NDUFAF2: variants seen among roughly 807,000 people sequenced by gnomAD.
The protein encoded by NDUFAF2 is NADH dehydrogenase [ubiquinone] 1 alpha subcomplex assembly factor 2.
NDUFAF2 carries 13 observed loss-of-function variants against 22.8 expected under a neutral mutation model. The ratio of observed to expected loss-of-function variants is 0.57; its 90% CI spans 0.37 to 0.91. NDUFAF2 has a LOEUF of 0.91. NDUFAF2 is among the 40% of genes least tolerant of loss of function. The pLI is 0.01. For synonymous variants in NDUFAF2, 53 were observed against 64.2 expected (o/e 0.83, Z 0.84); for missense variants, 162 against 195.2 (o/e 0.83, Z 1.01).
intron 1 of NDUFAF2, among the ~76,000 whole-genome samples, chr5:60,964,716 C>T (rs162227): frequency 0.87 from 132,795 of 152,096 alleles, 58,268 homozygotes; most frequent in East Asian, 0.95. Flanking sequence ...CCTACCAAAG[C>T]GCTGGGATTA....
At chr5:61,043,926 C>T (rs999978170) in intron 1 of NDUFAF2, among the ~76,000 whole-genome samples, 3 of 152,082 alleles carry the variant, frequency 2.0e-5, no homozygotes, top group Non-Finnish European at 4.4e-5. Context: ...TGAGGAACCA[C>T]CACACTATTT....
chr5:61,000,502 T>C (rs1354002406), intron 1 of NDUFAF2, among the ~76,000 whole-genome samples: 5 of 152,198 alleles, frequency 3.3e-5, no homozygotes, highest in African/African-American at 1.2e-4. Flanking sequence ...GTTAATATTA[T>C]GTTTGTTAAG....
intron 3 of NDUFAF2, among the ~76,000 whole-genome samples, chr5:61,147,440 T>TC (rs1231392599): frequency 2.2e-5 from 3 of 134,504 alleles, no homozygotes; most frequent in African/African-American, 8.0e-5. Context: ...TTTCTTTCTT[T>TC]TTTTTTTTTT....
chr5:60,986,937 C>CAAAA (rs200015156), intron 1 of NDUFAF2, among the ~76,000 whole-genome samples: 9 of 73,460 alleles, frequency 1.2e-4, no homozygotes, highest in African/African-American at 3.5e-4. Context: ...TCTTTTGTCT[C>CAAAA]AAAAAAAAAA....
chr5:61,024,884 A>G (rs867256738), intron 1 of NDUFAF2, among the ~76,000 whole-genome samples: 19 of 152,022 alleles, frequency 1.2e-4, no homozygotes, highest in African/African-American at 3.6e-4. Flanking sequence ...TCTGTTTCCA[A>G]TTGCTAACAG....
chr5:61,053,834 G>A (rs1752054565), intron 1 of NDUFAF2, among the ~76,000 whole-genome samples: 1 of 151,890 alleles, frequency 6.6e-6, no homozygotes, highest in African/African-American at 2.4e-5. Flanking sequence ...GTCTTGGTGT[G>A]GATATAAAGG....
chr5:61,131,287 C>T (rs1476087513), intron 3 of NDUFAF2, among the ~76,000 whole-genome samples: 2 of 151,686 alleles, frequency 1.3e-5, no homozygotes, highest in Admixed American at 1.3e-4. Context: ...CCTCAAACTC[C>T]TAGGCTCAAG....
chr5:61,117,179 G>T (rs1302551098), intron 3 of NDUFAF2, among the ~76,000 whole-genome samples: 1 of 152,138 alleles, frequency 6.6e-6, no homozygotes, highest in South Asian at 2.1e-4. Flanking sequence ...AGCTATTATG[G>T]AGTGTTTAAG....
At chr5:61,095,412 T>C (rs1752627274) in intron 2 of NDUFAF2, among the ~76,000 whole-genome samples, 2 of 152,202 alleles carry the variant, frequency 1.3e-5, no homozygotes, top group Admixed American at 1.3e-4. Context: ...GCGACACTGT[T>C]GCCAGTGGTT....
chr5:61,026,676 A>G (rs1290686747), intron 1 of NDUFAF2, among the ~76,000 whole-genome samples: 2 of 152,088 alleles, frequency 1.3e-5, no homozygotes, highest in Non-Finnish European at 2.9e-5. Context: ...TGAGAATAAC[A>G]ATTATTATTT....
At position 61,128,044 on chromosome 5, in the gene NDUFAF2, G is replaced by A. The variant is rs984771390; in HGVS notation, c.259-24660G>A. The stretch of plus-strand genomic sequence containing the variant: ...CCAAATCATGAGTGAACTCCCATTC[G>A]CAATTGCTTCAAAGAGAATAAAATA... On this transcript the variant is annotated intron_variant, in intron 3 of 3. Transcript: ENST00000296597. 2.8e-3 allele frequency among the ~76,000 whole-genome samples: 431 copies of A among 152,040 alleles called. 2 individuals are homozygous for A. The highest frequency in any genetic ancestry group is 0.011 in the South Asian group (51 of 4,818).
intron 3 of NDUFAF2, among the ~76,000 whole-genome samples, chr5:61,144,616 G>C (rs1230028744): frequency 1.3e-5 from 2 of 152,262 alleles, no homozygotes; most frequent in South Asian, 4.2e-4. Context: ...GTGGATACCT[G>C]AGGTTGAAAA....
chr5:61,074,725 A>G (rs911099630), intron 2 of NDUFAF2, among the ~76,000 whole-genome samples: 4 of 152,156 alleles, frequency 2.6e-5, no homozygotes, highest in African/African-American at 9.7e-5. Flanking sequence ...GCGCCATTGC[A>G]CTCTGGCTTG....
intron 1 of NDUFAF2, among the ~76,000 whole-genome samples, chr5:60,948,823 G>T (rs1750501491): frequency 6.6e-6 from 1 of 152,092 alleles, no homozygotes; most frequent in South Asian, 2.1e-4. Context: ...TTTAGAAATG[G>T]AATGGCTGAG....
intron 1 of NDUFAF2, among the ~76,000 whole-genome samples, chr5:61,039,148 A>G (rs927686579): frequency 5.9e-5 from 9 of 151,560 alleles, no homozygotes; most frequent in Non-Finnish European, 1.0e-4. Context: ...CAGGCCAAAA[A>G]AAAAAAAAAA....
At chr5:61,037,250 A>G (rs1455068079) in intron 1 of NDUFAF2, among the ~76,000 whole-genome samples, 1 of 152,194 alleles carries the variant, frequency 6.6e-6, no homozygotes, top group Non-Finnish European at 1.5e-5. Context: ...TCATATGCAC[A>G]CAAATTGTTA....
At chr5:61,050,559 A>G (rs1752013100) in intron 1 of NDUFAF2, 1 of 152,118 alleles carries the variant, frequency 6.6e-6, no homozygotes, top group Non-Finnish European at 1.5e-5. Context: ...TAAAAAAAAA[A>G]TCATAAAATT....
intron 3 of NDUFAF2, chr5:61,146,253 G>C (rs1741135958): frequency 6.6e-6 from 1 of 152,174 alleles, no homozygotes; most frequent in Non-Finnish European, 1.5e-5. Context: ...GTGTAACAAT[G>C]CTTCTCATGT....
At chr5:60,971,939 CTTT>C (rs1193853669) in intron 1 of NDUFAF2, among the ~76,000 whole-genome samples, 2 of 137,516 alleles carry the variant, frequency 1.5e-5, no homozygotes, top group Admixed American at 7.3e-5. Context: ...GCCCCCCTCC[CTTT>C]TTTTTTTTTT....
Sources: gnomAD v4.1 joint callset for allele counts (sites outside exome capture counted in the v4.1 genomes callset) on GRCh38, gnomAD v4.1.1 for gene constraint, MANE v1.5 for transcripts, NCBI Gene and HGNC (gene_info 2026-07-23, HGNC 2026-07-21) for gene names.